CCDC183: variants seen among roughly 807,000 people sequenced by gnomAD.
CCDC183 encodes coiled-coil domain-containing protein 183.
In CCDC183, 63 loss-of-function variants were observed where a neutral mutation model predicts 65.2. That is an observed-to-expected ratio of 0.97 (90% CI 0.79 to 1.19). The LOEUF (loss-of-function observed/expected upper bound fraction) is 1.19. Ranked by LOEUF, CCDC183 falls within the 50% of genes most tolerant of loss-of-function variation. The probability of loss-of-function intolerance (pLI) is 0.00; values close to 1 mark genes in which losing one functional copy is unlikely to be tolerated. For missense variants in CCDC183, 769 were observed against 689.3 expected, an observed-to-expected ratio of 1.12 and a Z score of -1.30; for synonymous variants, 323 against 276.5, an observed-to-expected ratio of 1.17 and a Z score of -1.67.
At position 136,806,197 on chromosome 9, in the gene CCDC183, G is replaced by C; in HGVS notation, c.1068G>C (p.Glu356Asp). The change falls in exon 10 of 14, where the codon GAG becomes GAC. Residue 356 changes from glutamate to aspartate, a missense_variant. Transcript: ENST00000338005. Reference protein sequence around the residue: ...LKALVKQLELEEAVLKFRQKP... With the variant: ...LKALVKQLELDEAVLKFRQKP... Reference sequence around the variant, plus strand: ...CCCTGGTGAAGCAGCTGGAGCTGGAGGAGGCCGTGCTCAAGTTCCGCCAGA... The same window carrying C: ...CCCTGGTGAAGCAGCTGGAGCTGGACGAGGCCGTGCTCAAGTTCCGCCAGA... 6.3e-7 allele frequency: 1 copy of C among 1,576,000 alleles called. No individual in the cohort carries two copies. The highest frequency in any genetic ancestry group is 8.6e-7 in the Non-Finnish European group (1 of 1,160,784).
chr9:136,797,056 A>T (rs1253375615), intron 1 of CCDC183, among the ~76,000 whole-genome samples: 3 of 152,200 alleles, frequency 2.0e-5, no homozygotes, highest in Admixed American at 6.5e-5. Flanking sequence ...GTCTCAGTGT[A>T]AAGCCGACCA....
rs1189805826 is a variant in CCDC183 at position 136,807,303 on chromosome 9, G to T, written c.1486+237G>T. ...AAGGAGGAGGCATGCCATGCCAGACGGGCCCGGAGGAGAGGCACCAGGGCT... is the reference window on the plus strand; with the variant it reads ...AAGGAGGAGGCATGCCATGCCAGACTGGCCCGGAGGAGAGGCACCAGGGCT... On this transcript the variant is annotated intron_variant, in intron 13 of 13. Coordinates refer to ENST00000338005, the MANE Select transcript of CCDC183 (RefSeq NM_001039374.5). 3 of 643,098 alleles carry T rather than the reference G, an allele frequency of 4.7e-6. No homozygotes were observed. The African/African-American group carries it at 5.5e-5, about 12-fold the overall frequency. The allele number at this position is 643,098 out of a possible 1,614,324, so 39.8% of individuals were successfully genotyped here.
intron 2 of CCDC183, 200 bp downstream of exon 2, chr9:136,799,423 C>A: frequency 2.2e-6 from 2 of 920,376 alleles, no homozygotes; most frequent in Non-Finnish European, 3.2e-6. Flanking sequence ...TCCCACCACC[C>A]AACCCGAGGG....
Position 136,804,256 on chromosome 9 carries a change from T to G in CCDC183, c.667-246T>G. On this transcript the variant is annotated intron_variant, in intron 6 of 13. Coordinates refer to ENST00000338005, the MANE Select transcript of CCDC183 (RefSeq NM_001039374.5). This position sits in a 1 kb window ranked among gnomAD's most constrained non-coding sequence, Gnocchi z 4.1. Reference sequence around the variant, plus strand: ...TAGGTGGACCTGGCCAGGAGGCAGCTGGGGGCCAGCGGCTGGAGGGCAGCA... The same window carrying G: ...TAGGTGGACCTGGCCAGGAGGCAGCGGGGGGCCAGCGGCTGGAGGGCAGCA... 2.0e-6 allele frequency: 1 copy of G among 504,036 alleles called. No homozygotes were observed. The highest frequency in any genetic ancestry group is 2.2e-5 in the South Asian group (1 of 46,042). The allele number at this position is 504,036 out of a possible 1,614,324, so 31.2% of individuals were successfully genotyped here. A position where few individuals can be genotyped will look rare whatever the true frequency, so the allele number is the denominator to read the frequency against.
At chr9:136,797,599 C>T (rs1213690464) in intron 1 of CCDC183, among the ~76,000 whole-genome samples, 1 of 151,962 alleles carries the variant, frequency 6.6e-6, no homozygotes, top group Non-Finnish European at 1.5e-5. Flanking sequence ...CCACCATGCC[C>T]GGCTAATTTT....
intron 8 of CCDC183, chr9:136,805,079 C>G: frequency 1.7e-6 from 1 of 593,222 alleles, no homozygotes; most frequent in Non-Finnish European, 3.0e-6. Context: ...GCATCCTGAC[C>G]CCTAAGCTGC....
intron 6 of CCDC183, 41 bp downstream of exon 6, chr9:136,802,827 C>G: frequency 7.9e-7 from 1 of 1,270,260 alleles, no homozygotes; most frequent in Non-Finnish European, 1.1e-6. Flanking sequence ...CCAGGGCCAG[C>G]CCTCTTGGAT....
rs1847650125 is a variant in CCDC183 at position 136,796,392 on chromosome 9, G to A, written c.-6G>A. 8.2e-6 allele frequency: 13 copies of A among 1,579,494 alleles called. No homozygotes were observed. Among genetic ancestry groups the A allele is most frequent in the Non-Finnish European group, 1.1e-5 (13 of 1,161,620 alleles). On this transcript the variant is annotated 5_prime_UTR_variant, in exon 1 of 14. Coordinates refer to ENST00000338005, the MANE Select transcript of CCDC183 (RefSeq NM_001039374.5). ...ACAGGGTCCCTTGGGGGGCCTGAGA[G>A]CAGCCATGAGGAGGCACAGTGAGAC...
chr9:136,802,217 ATCT>A (rs1847746520), intron 5 of CCDC183, among the ~76,000 whole-genome samples: 1 of 130,316 alleles, frequency 7.7e-6, no homozygotes, highest in Non-Finnish European at 1.6e-5. Context: ...ACGAGCCATC[ATCT>A]TACAAATGGG....
Position 136,797,383 on chromosome 9 carries a change from G to A in CCDC183, c.70+916G>A, listed in dbSNP as rs191263428. On this transcript the variant is annotated intron_variant, in intron 1 of 13. Transcript: ENST00000338005. ...GAGACCAGGGCTGGTGCAGGTCCTC[G>A]CATGCTGAGTGTGCCAGTCCCCTGG... Among the ~76,000 whole-genome samples the A allele has an allele frequency of 1.6e-4, 24 of 151,340 alleles. No homozygotes were observed. In the East Asian group the frequency reaches 2.3e-3, roughly 15 times the overall value.
Position 136,804,338 on chromosome 9 carries a change from G to A in CCDC183, c.667-164G>A, listed in dbSNP as rs144163852. On this transcript the variant is annotated intron_variant, in intron 6 of 13. Transcript: ENST00000338005. This position sits in a 1 kb window ranked among gnomAD's most constrained non-coding sequence, Gnocchi z 4.1. ...TGGGCAAGGAGGGCCGTGAGCTGAG[G>A]GGCCACGGGCACAAGTGGTTTAGGA... The A allele has an allele frequency of 1.8e-4, 164 of 928,528 alleles. No individual in the cohort carries two copies. In the East Asian group the frequency reaches 4.5e-3, roughly 25 times the overall value. 57.5% of individuals were successfully genotyped at this position (928,528 alleles called of 1,614,324 possible). A position where few individuals can be genotyped will look rare whatever the true frequency, so the allele number is the denominator to read the frequency against.
In CCDC183 at chr9:136,800,413, A is replaced by G; in HGVS notation, c.463A>G (p.Ile155Val). The change falls in exon 5 of 14, where the codon ATC becomes GTC. Residue 155 changes from isoleucine (I) to valine (V), a missense_variant. Physicochemically the swap from Ile to Val is conservative, Grantham distance 29. Coordinates refer to ENST00000338005, the MANE Select transcript of CCDC183 (RefSeq NM_001039374.5). ...GATCATCCGCCAGCTGGAGAACAAC[A>G]TCGAGAAGACAATGATCAAGATCAT... Reference protein sequence around the residue: ...LQIIRQLENNIEKTMIKIITS... With the variant: ...LQIIRQLENNVEKTMIKIITS... 6.2e-7 allele frequency: 1 copy of G among 1,612,090 alleles called. No individual in the cohort carries two copies. Among genetic ancestry groups the G allele is most frequent in the Non-Finnish European group, 8.5e-7 (1 of 1,179,210 alleles).
intron 13 of CCDC183, chr9:136,807,339 G>T: frequency 3.0e-6 from 2 of 662,102 alleles, no homozygotes; most frequent in Non-Finnish European, 5.1e-6. Context: ...GGAGCAGGGA[G>T]GAGCGCGGTG....
Position 136,796,463 on chromosome 9 carries a change from C to T in CCDC183, c.66C>T (p.Leu22=). 6.4e-7 allele frequency: 1 copy of T among 1,561,590 alleles called. No homozygotes were observed. Among genetic ancestry groups the T allele is most frequent in the Non-Finnish European group, 8.7e-7 (1 of 1,151,308 alleles). Residue 22 remains leucine, a synonymous_variant, in exon 1 of 14, where the codon CTC becomes CTT. Transcript: ENST00000338005. ...AGGAGCTGAAGACCATCACTCAGCT[C>T]CAGGGTGAGCCTGCACCGCCGTGAC... ...QTQELKTITQ[L]QEQCRALQIQ...
Position 136,804,356 on chromosome 9 carries a change from G to C in CCDC183, c.667-146G>C. The C allele has an allele frequency of 1.7e-6, 2 of 1,151,544 alleles. No individual in the cohort carries two copies. Among genetic ancestry groups the C allele is most frequent in the Non-Finnish European group, 1.2e-6 (1 of 835,022 alleles). The allele number at this position is 1,151,544 out of a possible 1,614,324, so 71.3% of individuals were successfully genotyped here. A position where few individuals can be genotyped will look rare whatever the true frequency, so the allele number is the denominator to read the frequency against. Reference sequence around the variant, plus strand: ...AGCTGAGGGGCCACGGGCACAAGTGGTTTAGGAAAAGGGTGTGGCCATTGG... The same window carrying C: ...AGCTGAGGGGCCACGGGCACAAGTGCTTTAGGAAAAGGGTGTGGCCATTGG... On this transcript the variant is annotated intron_variant, in intron 6 of 13. Coordinates refer to ENST00000338005, the MANE Select transcript of CCDC183 (RefSeq NM_001039374.5). This position sits in a 1 kb window ranked among gnomAD's most constrained non-coding sequence, Gnocchi z 4.1.
At chr9:136,800,692 G>A (rs548875439) in intron 5 of CCDC183, 199 bp downstream of exon 5, 6 of 583,072 alleles carry the variant, frequency 1.0e-5, no homozygotes, top group Middle Eastern at 4.5e-4. Context: ...ATATCGTGGG[G>A]TATATCAGAA....
Position 136,799,541 on chromosome 9 carries a change from C to T in CCDC183, c.193-172C>T, listed in dbSNP as rs12337144. 1.4e-4 allele frequency: 97 copies of T among 697,748 alleles called. No homozygotes were observed. In the African/African-American group the frequency reaches 1.5e-3, roughly 11 times the overall value. The allele number at this position is 697,748 out of a possible 1,614,324, so 43.2% of individuals were successfully genotyped here. On this transcript the variant is annotated intron_variant, in intron 2 of 13. Coordinates refer to ENST00000338005, the MANE Select transcript of CCDC183 (RefSeq NM_001039374.5). ...GCATACCCCCCTACCACGTCGCCTC[C>T]GAACTTGGATGGCCAGGATGGGGTC...
intron 5 of CCDC183, among the ~76,000 whole-genome samples, chr9:136,801,654 C>T (rs1044961816): frequency 3.3e-5 from 5 of 152,008 alleles, no homozygotes; most frequent in African/African-American, 7.3e-5. Context: ...TGCTGCAAGC[C>T]GAGATCGTAC....
chr9:136,799,285 AC>A, intron 2 of CCDC183, 62 bp downstream of exon 2: 1 of 1,521,772 alleles, frequency 6.6e-7, no homozygotes, highest in South Asian at 1.3e-5. Context: ...GTACACACAC[AC>A]TCGGAGGGCG....
Sources: gnomAD v4.1 joint callset for allele counts (sites outside exome capture counted in the v4.1 genomes callset) on GRCh38, gnomAD v4.1.1 for gene constraint, Gnocchi (gnomAD v3.1) non-coding constraint, MANE v1.5 for transcripts, NCBI Gene and HGNC (gene_info 2026-07-23, HGNC 2026-07-21) for gene names.